CASZ1: variants seen among roughly 807,000 people sequenced by gnomAD.
The protein encoded by CASZ1 is castor zinc finger 1, also known as zinc finger protein castor homolog 1.
CASZ1 carries 28 observed loss-of-function variants against 135.2 expected under a neutral mutation model. That is an observed-to-expected ratio of 0.21 (90% CI 0.15 to 0.28). The LOEUF (loss-of-function observed/expected upper bound fraction) is 0.28. CASZ1 is among the 10% of genes least tolerant of loss of function. CASZ1 has a pLI of 1.00. For synonymous variants in CASZ1, 1,068 were observed against 1,073.4 expected, an observed-to-expected ratio of 0.99 and a Z score of 0.10; for missense variants, 2,161 against 2,453.3, an observed-to-expected ratio of 0.88 and a Z score of 2.52.
intron 2 of CASZ1, among the ~76,000 whole-genome samples, chr1:10,730,283 C>T (rs2100506469): frequency 6.6e-6 from 1 of 152,254 alleles, no homozygotes; most frequent in Non-Finnish European, 1.5e-5. Context: ...ATCTGCCCGC[C>T]TCGGCCTCCC....
chr1:10,696,643 G>A (rs1570492088), intron 3 of CASZ1, among the ~76,000 whole-genome samples: 1 of 152,270 alleles, frequency 6.6e-6, no homozygotes, highest in African/African-American at 2.4e-5. Flanking sequence ...CTGAGCCTCT[G>A]CTCTCCTATC....
At chr1:10,722,871 C>T (rs1400355923) in intron 2 of CASZ1, among the ~76,000 whole-genome samples, 1 of 152,256 alleles carries the variant, frequency 6.6e-6, no homozygotes, top group Non-Finnish European at 1.5e-5. Flanking sequence ...AAAGGCCTGC[C>T]CCCGCACCCC....
chr1:10,743,779 C>T (rs1224811623), intron 2 of CASZ1, among the ~76,000 whole-genome samples: 1 of 147,056 alleles, frequency 6.8e-6, no homozygotes, highest in East Asian at 2.0e-4. Context: ...GACGGGAGGG[C>T]AGGCGGGATG....
chr1:10,710,630 C>T (rs1557524698), intron 2 of CASZ1, among the ~76,000 whole-genome samples: 4 of 152,226 alleles, frequency 2.6e-5, no homozygotes, highest in South Asian at 2.1e-4. Context: ...CAGGGCTCAG[C>T]GTGGTAGGCA....
rs577891096 is a variant in CASZ1, at chr1:10,697,176, C to T, written c.-23-3264G>A. 3.3e-5 allele frequency among the ~76,000 whole-genome samples: 5 copies of T among 152,274 alleles called. No individual in the cohort carries two copies. The highest frequency in any genetic ancestry group is 2.1e-4 in the South Asian group (1 of 4,824). ...GATTTATGAAGGTCAGAGAAGGCGG[C>T]GGAGGCTTCGAGGTTGTGGGGTATG... On this transcript the variant is annotated intron_variant, in intron 3 of 20. Coordinates refer to ENST00000377022, the MANE Select transcript of CASZ1 (RefSeq NM_001079843.3). The surrounding 1 kb of genome is among the most constrained non-coding windows in gnomAD (Gnocchi z 4.7).
At position 10,655,655 on chromosome 1, in the gene CASZ1, G is replaced by A; in HGVS notation, c.1659C>T (p.Cys553=). The change falls in exon 9 of 21, where the codon TGC becomes TGT. Residue 553 remains cysteine (C), a synonymous_variant. Transcript: ENST00000377022. ...GCCCGGGTGCGGGAGGCACCTGCAT[G>A]CAGTGATAGTGGGTGCTCTTCCCAT... ...HLNGKSTHYH[C]MQVGCNKVYT... is the part of the protein sequence containing the mutation. The A allele has an allele frequency of 1.2e-6, 2 of 1,612,792 alleles. No homozygotes were observed. Among genetic ancestry groups the A allele is most frequent in the Non-Finnish European group, 1.7e-6 (2 of 1,179,326 alleles).
intron 2 of CASZ1, among the ~76,000 whole-genome samples, chr1:10,744,440 G>GACAGGGGAACACAGTCCCAGAT (rs1640002070): frequency 1.1e-4 from 2 of 17,740 alleles, no homozygotes; most frequent in Admixed American, 5.1e-4. Flanking sequence ...GGCATGTCCT[G>GACAGGGGAACACAGTCCCAGAT]GGCACCACGA....
chr1:10,759,906 T>C lies in CASZ1; in HGVS notation c.-77+795A>G, dbSNP rs1640337579. On this transcript the variant is annotated intron_variant, in intron 2 of 20. Coordinates refer to ENST00000377022, the MANE Select transcript of CASZ1 (RefSeq NM_001079843.3). This position sits in a 1 kb window ranked among gnomAD's most constrained non-coding sequence, Gnocchi z 4.2. ...GTGAACTTCGCAAACACCCAATCCC[T>C]CTGGACTGGTTTCCTTGGGATCTCA... 6.6e-6 allele frequency among the ~76,000 whole-genome samples: 1 copy of C among 152,086 alleles called. No homozygotes were observed. Among genetic ancestry groups the C allele is most frequent in the Admixed American group, 6.6e-5 (1 of 15,262 alleles).
At chr1:10,687,142 C>T (rs1045710042) in intron 4 of CASZ1, among the ~76,000 whole-genome samples, 1 of 152,206 alleles carries the variant, frequency 6.6e-6, no homozygotes, top group Admixed American at 6.5e-5. Flanking sequence ...TAAAGCTCTG[C>T]CCGGCTCCTC....
chr1:10,661,365 AG>A (rs1643016316), intron 5 of CASZ1: 2 of 152,280 alleles, frequency 1.3e-5, no homozygotes, highest in Admixed American at 1.3e-4. Flanking sequence ...ACCTCCCCAC[AG>A]TGACATACAC....
chr1:10,683,020 G>A (rs943687481), intron 4 of CASZ1, among the ~76,000 whole-genome samples: 6 of 152,234 alleles, frequency 3.9e-5, no homozygotes, highest in African/African-American at 1.2e-4. Context: ...AGGAGAGCCC[G>A]CTCTGATCTC....
intron 20 of CASZ1, among the ~76,000 whole-genome samples, chr1:10,640,898 C>T (rs1246980285): frequency 6.6e-6 from 1 of 152,196 alleles, no homozygotes; most frequent in Non-Finnish European, 1.5e-5. Flanking sequence ...GTACCTGTGC[C>T]CCTATGGCCA....
chr1:10,646,023 T>C lies in CASZ1; in HGVS notation c.3696+105A>G. On this transcript the variant is annotated intron_variant, in intron 17 of 20. Transcript: ENST00000377022. This position sits in a 1 kb window ranked among gnomAD's most constrained non-coding sequence, Gnocchi z 6.4. The stretch of plus-strand genomic sequence containing the variant: ...GAGGCCCATTTAAATAAGCAAGGTG[T>C]GAGAAATGGAGCCTCTGCCAGGAGG... 9.2e-7 allele frequency: 1 copy of C among 1,086,112 alleles called. No homozygotes were observed. The highest frequency in any genetic ancestry group is 1.4e-5 in the South Asian group (1 of 73,328). The allele number at this position is 1,086,112 out of a possible 1,614,324, so 67.3% of individuals were successfully genotyped here.
intron 4 of CASZ1, among the ~76,000 whole-genome samples, chr1:10,672,757 A>G (rs774347567): frequency 4.6e-5 from 7 of 152,156 alleles, no homozygotes; most frequent in Non-Finnish European, 7.3e-5. Flanking sequence ...TCAATGAAAA[A>G]CCATCATAAA....
chr1:10,651,847 CT>C (rs1252867454), intron 11 of CASZ1: 2 of 152,266 alleles, frequency 1.3e-5, no homozygotes, highest in Non-Finnish European at 2.9e-5. Flanking sequence ...AAACGGCCCC[CT>C]CCCCTGTGCT....
At chr1:10,650,626 AC>A (rs1553125584) in intron 13 of CASZ1, 65 bp downstream of exon 13, 5 of 1,329,366 alleles carry the variant, frequency 3.8e-6, no homozygotes, top group South Asian at 1.2e-5. Context: ...ACATCCCCCC[AC>A]CCCCCAGCAC....
intron 2 of CASZ1, among the ~76,000 whole-genome samples, chr1:10,758,276 C>T (rs552626526): frequency 1.3e-5 from 2 of 150,754 alleles, no homozygotes; most frequent in Admixed American, 1.3e-4. Flanking sequence ...GTCTTGTCCA[C>T]TCTGTTTGCT....
intron 2 of CASZ1, among the ~76,000 whole-genome samples, chr1:10,752,122 G>C (rs1223715473): frequency 1.3e-4 from 20 of 152,210 alleles, no homozygotes; most frequent in Non-Finnish European, 5.9e-5. Context: ...GTTGGGGTGG[G>C]CATGGAGAGG....
At chr1:10,659,479 T>C (rs1348865583) in intron 6 of CASZ1, among the ~76,000 whole-genome samples, 1 of 152,140 alleles carries the variant, frequency 6.6e-6, no homozygotes, top group Non-Finnish European at 1.5e-5. Context: ...GGCTCACGCA[T>C]GGTTCTGTAG....
Sources: gnomAD v4.1 joint callset for allele counts (sites outside exome capture counted in the v4.1 genomes callset) on GRCh38, gnomAD v4.1.1 for gene constraint, Gnocchi (gnomAD v3.1) non-coding constraint, MANE v1.5 for transcripts, NCBI Gene and HGNC (gene_info 2026-07-23, HGNC 2026-07-21) for gene names.